The following PCDH11X variants were observed in gnomAD, a reference collection of about 807,000 sequenced individuals.
PCDH11X encodes protocadherin 11 X-linked, also known as protocadherin-11 X-linked.
Under a neutral mutation model 53.3 loss-of-function variants are expected in PCDH11X, and 18 were observed. That is an observed-to-expected ratio of 0.34 (90% CI 0.23 to 0.50). The LOEUF (loss-of-function observed/expected upper bound fraction) is 0.50, where lower values mean the gene tolerates loss of function less well. Ranked by LOEUF, PCDH11X falls within the 20% of genes least tolerant of loss-of-function variation. The probability of loss-of-function intolerance (pLI) is 0.98; values close to 1 mark genes in which losing one functional copy is unlikely to be tolerated. For missense variants in PCDH11X, 570 were observed against 1,032.4 expected, an observed-to-expected ratio of 0.55 and a Z score of 6.14; for synonymous variants, 279 against 393.3, an observed-to-expected ratio of 0.71 and a Z score of 3.44.
chrX:91,971,474 C>G (rs2061959559), intron 6 of PCDH11X, among the ~76,000 whole-genome samples: 1 of 109,002 alleles, frequency 9.2e-6, no homozygotes, highest in African/African-American at 3.4e-5. Context: ...TGAATCCAGT[C>G]TGGAAGATAA....
intron 7 of PCDH11X, among the ~76,000 whole-genome samples, chrX:92,251,346 G>A (rs966018122): frequency 9.0e-6 from 1 of 110,623 alleles, no homozygotes; most frequent in Non-Finnish European, 1.9e-5. Flanking sequence ...CTTTTATTAA[G>A]CCTATAAATA....
chrX:92,027,004 A>G (rs1343606703), intron 6 of PCDH11X, among the ~76,000 whole-genome samples: 4 of 103,649 alleles, frequency 3.9e-5, no homozygotes, highest in African/African-American at 1.4e-4. Context: ...ACACAATCAT[A>G]AGGGATACAT....
chrX:92,049,427 C>T (rs934952474), intron 6 of PCDH11X, among the ~76,000 whole-genome samples: 1 of 109,998 alleles, frequency 9.1e-6, no homozygotes, highest in Admixed American at 9.8e-5. Context: ...CCCCTGACCC[C>T]TTAGAAGGAA....
At chrX:92,252,918 G>C (rs1324784463) in intron 7 of PCDH11X, among the ~76,000 whole-genome samples, 2 of 110,529 alleles carry the variant, frequency 1.8e-5, no homozygotes, top group Non-Finnish European at 3.8e-5. Context: ...TAATCTTAGT[G>C]GTCAAAAGTC....
intron 10 of PCDH11X, among the ~76,000 whole-genome samples, chrX:92,502,695 A>G (rs2073981629): frequency 9.0e-6 from 1 of 110,825 alleles, no homozygotes; most frequent in Non-Finnish European, 1.9e-5. Context: ...CTCCTTCCTT[A>G]CAACATATAT....
At chrX:91,934,506 T>A (rs1362918755) in intron 6 of PCDH11X, among the ~76,000 whole-genome samples, 1 of 110,950 alleles carries the variant, frequency 9.0e-6, no homozygotes, top group African/African-American at 3.3e-5. Context: ...AACTAGATTT[T>A]TTTTTCTGAC....
intron 5 of PCDH11X, among the ~76,000 whole-genome samples, chrX:91,872,021 G>T (rs775346761): frequency 5.2e-4 from 58 of 110,833 alleles, no homozygotes; most frequent in African/African-American, 1.8e-3. Context: ...AACATATCAT[G>T]TGTAAATTAT....
intron 8 of PCDH11X, among the ~76,000 whole-genome samples, chrX:92,313,893 T>C (rs2069014211): frequency 1.8e-5 from 2 of 111,459 alleles, no homozygotes; most frequent in South Asian, 7.5e-4. Flanking sequence ...GCAATTACCA[T>C]GAATGAGCTT....
intron 7 of PCDH11X, among the ~76,000 whole-genome samples, chrX:92,223,088 T>C (rs894507270): frequency 8.9e-6 from 1 of 112,347 alleles, no homozygotes; most frequent in African/African-American, 3.2e-5. Flanking sequence ...TGGGCTCAAG[T>C]GATCCTGCCA....
At chrX:92,321,471 C>T (rs1307136665) in intron 8 of PCDH11X, among the ~76,000 whole-genome samples, 1 of 111,216 alleles carries the variant, frequency 9.0e-6, no homozygotes, top group Non-Finnish European at 1.9e-5. Flanking sequence ...GCTGGGATTA[C>T]AGGCGTGAGC....
chrX:91,911,275 T>G (rs1941360013), intron 6 of PCDH11X, among the ~76,000 whole-genome samples: 1 of 109,668 alleles, frequency 9.1e-6, no homozygotes, highest in Admixed American at 9.8e-5. Context: ...ATTCCCCTGT[T>G]ATTTCCATCA....
At chrX:92,091,048 T>C (rs1383750287) in intron 6 of PCDH11X, among the ~76,000 whole-genome samples, 1 of 112,191 alleles carries the variant, frequency 8.9e-6, no homozygotes, top group Non-Finnish European at 1.9e-5. Context: ...GGCTCTTTTG[T>C]AATACATAAT....
intron 8 of PCDH11X, among the ~76,000 whole-genome samples, chrX:92,322,937 C>G (rs904631605): frequency 9.0e-6 from 1 of 111,394 alleles, no homozygotes; most frequent in South Asian, 3.8e-4. Flanking sequence ...TCTCAGGATT[C>G]AGATTGTCTA....
At chrX:91,820,673 T>G (rs1276170786) in intron 4 of PCDH11X, among the ~76,000 whole-genome samples, 1 of 102,955 alleles carries the variant, frequency 9.7e-6, no homozygotes, top group Admixed American at 9.9e-5. Context: ...GCACTTTAGT[T>G]TAATTAGATC....
At chrX:92,111,697 T>C (rs1408197343) in intron 6 of PCDH11X, among the ~76,000 whole-genome samples, 6 of 111,010 alleles carry the variant, frequency 5.4e-5, no homozygotes, top group Admixed American at 4.8e-4. Context: ...CCAAGTCACA[T>C]AGTTAGTGAC....
At chrX:92,599,663 T>C (rs1926027793) in intron 10 of PCDH11X, among the ~76,000 whole-genome samples, 1 of 111,447 alleles carries the variant, frequency 9.0e-6, no homozygotes, top group Non-Finnish European at 1.9e-5. Context: ...ATACAGCAAA[T>C]TGGTACCAGG....
At chrX:92,004,215 T>C (rs781102287) in intron 6 of PCDH11X, among the ~76,000 whole-genome samples, 2 of 112,394 alleles carry the variant, frequency 1.8e-5, no homozygotes, top group African/African-American at 6.4e-5. Flanking sequence ...TATTTATTTC[T>C]AGTTGTATTT....
chrX:92,181,924 C>G (rs1366308424), intron 6 of PCDH11X, among the ~76,000 whole-genome samples: 1 of 112,336 alleles, frequency 8.9e-6, no homozygotes, highest in East Asian at 2.8e-4. Context: ...GGTGGGTGCC[C>G]CCACACAGAG....
In PCDH11X at chrX:92,403,339, G is replaced by GTT. The variant is rs1191277649; in HGVS notation, c.3343+15426_3343+15427dup. Among the ~76,000 whole-genome samples, 482 of 49,286 alleles carry GTT rather than the reference G, an allele frequency of 9.8e-3. 33 individuals are homozygous for GTT. The highest frequency in any genetic ancestry group is 0.031 in the African/African-American group (372 of 11,830). 42.8% of individuals were successfully genotyped at this position (49,286 alleles called of 115,157 possible). A position where few individuals can be genotyped will look rare whatever the true frequency, so the allele number is the denominator to read the frequency against. Reference sequence around the variant, plus strand: ...TGTCCGGGCATTTACGTTTTTTTTTGTTTTTTTTTTTTTTTTTTTTTGTAG... The same window carrying GTT: ...TGTCCGGGCATTTACGTTTTTTTTTGTTTTTTTTTTTTTTTTTTTTTTTGTAG... On this transcript the variant is annotated intron_variant, in intron 9 of 10. Transcript: ENST00000682573.
Sources: gnomAD v4.1 joint callset for allele counts (sites outside exome capture counted in the v4.1 genomes callset) on GRCh38, gnomAD v4.1.1 for gene constraint, MANE v1.5 for transcripts, NCBI Gene and HGNC (gene_info 2026-07-23, HGNC 2026-07-21) for gene names.